SOX5: variants seen among roughly 807,000 people sequenced by gnomAD.
SOX5 encodes SRY-box transcription factor 5.
A neutral mutation model predicts 92.0 loss-of-function variants in SOX5; 9 were observed. That is an observed-to-expected ratio of 0.10 (90% CI 0.06 to 0.17). The LOEUF (loss-of-function observed/expected upper bound fraction) is 0.17, where lower values mean the gene tolerates loss of function less well. Ranked by LOEUF, SOX5 falls within the 10% of genes least tolerant of loss-of-function variation. The pLI is 1.00. For synonymous variants in SOX5, 344 were observed against 336.3 expected, an observed-to-expected ratio of 1.02 and a Z score of -0.25; for missense variants, 642 against 944.5, an observed-to-expected ratio of 0.68 and a Z score of 4.20.
chr12:24,450,680 C>G (rs1389191229), intron 1 of SOX5, among the ~76,000 whole-genome samples: 1 of 151,812 alleles, frequency 6.6e-6, no homozygotes, highest in Non-Finnish European at 1.5e-5. Flanking sequence ...TTAGCAGAGA[C>G]GGGTTTCACC....
At chr12:24,028,908 C>T (rs530536569) in intron 4 of SOX5, among the ~76,000 whole-genome samples, 6 of 151,972 alleles carry the variant, frequency 3.9e-5, no homozygotes, top group Non-Finnish European at 8.8e-5. Flanking sequence ...AGAGAAAGGA[C>T]ATTTTATGCA....
chr12:24,183,189 G>A (rs1955683072), intron 4 of SOX5, among the ~76,000 whole-genome samples: 1 of 151,996 alleles, frequency 6.6e-6, no homozygotes, highest in African/African-American at 2.4e-5. Context: ...TTCCTCTAAG[G>A]TCATGTTTAG....
At chr12:24,387,379 A>G (rs530190666) in intron 1 of SOX5, among the ~76,000 whole-genome samples, 2 of 152,306 alleles carry the variant, frequency 1.3e-5, no homozygotes, top group Admixed American at 6.5e-5. Context: ...AAAGCTCATC[A>G]TCTATCGTTA....
chr12:24,327,529 C>T (rs1031366813), intron 2 of SOX5, among the ~76,000 whole-genome samples: 2 of 150,818 alleles, frequency 1.3e-5, no homozygotes, highest in African/African-American at 4.9e-5. Flanking sequence ...AATTGTCCTA[C>T]CTCAGCCTCC....
chr12:23,932,585 A>C (rs1187101316), intron 1 of SOX5, among the ~76,000 whole-genome samples: 2 of 151,708 alleles, frequency 1.3e-5, no homozygotes, highest in Admixed American at 6.6e-5. Flanking sequence ...AGAAATAGAA[A>C]GTGAAGGGGG....
At chr12:23,960,498 CATATATATTTATATACATAT>C (rs1169728724) in intron 4 of SOX5, among the ~76,000 whole-genome samples, 2 of 131,792 alleles carry the variant, frequency 1.5e-5, no homozygotes, top group African/African-American at 5.3e-5. Context: ...TATTTATATA[CATATATATTTATATACATAT>C]ATATATATAT....
At chr12:23,561,286 T>G (rs1278119312) in intron 11 of SOX5, among the ~76,000 whole-genome samples, 1 of 152,090 alleles carries the variant, frequency 6.6e-6, no homozygotes, top group East Asian at 1.9e-4. Context: ...AGAAATAAAG[T>G]ATGACTGTGG....
chr12:23,579,232 C>T (rs1304752866), intron 9 of SOX5, among the ~76,000 whole-genome samples: 1 of 152,134 alleles, frequency 6.6e-6, no homozygotes, highest in Non-Finnish European at 1.5e-5. Context: ...TATTCACCTA[C>T]ATTCAAGGCA....
At chr12:23,788,553 T>C (rs1374308817) in intron 3 of SOX5, among the ~76,000 whole-genome samples, 1 of 151,950 alleles carries the variant, frequency 6.6e-6, no homozygotes, top group African/African-American at 2.4e-5. Flanking sequence ...AGCAATTGTA[T>C]AATGGCCTGG....
intron 1 of SOX5, among the ~76,000 whole-genome samples, chr12:24,513,892 T>C (rs1566358486): frequency 6.6e-6 from 1 of 152,248 alleles, no homozygotes; most frequent in Non-Finnish European, 1.5e-5. Context: ...AAAAGACTTT[T>C]GCTATTTTAC....
intron 4 of SOX5, among the ~76,000 whole-genome samples, chr12:23,998,997 T>C (rs1040596632): frequency 6.6e-6 from 1 of 151,846 alleles, no homozygotes; most frequent in Admixed American, 6.6e-5. Context: ...GACCAAGAGA[T>C]AATTTTAAAA....
intron 3 of SOX5, among the ~76,000 whole-genome samples, chr12:23,838,851 G>GC (rs1322882989): frequency 5.8e-5 from 6 of 102,746 alleles, no homozygotes; most frequent in African/African-American, 1.7e-4. Context: ...TTTGGGGGGG[G>GC]GGGGCGGGGA....
chr12:23,923,100 A>C (rs894480745), intron 1 of SOX5, among the ~76,000 whole-genome samples: 3 of 151,994 alleles, frequency 2.0e-5, no homozygotes, highest in Non-Finnish European at 2.9e-5. Flanking sequence ...CGCCCGCCAC[A>C]ACGCCCGGCT....
intron 9 of SOX5, among the ~76,000 whole-genome samples, chr12:23,592,740 T>A (rs1951743154): frequency 6.6e-6 from 1 of 152,190 alleles, no homozygotes; most frequent in Non-Finnish European, 1.5e-5. Flanking sequence ...CTTATTTCAG[T>A]ATAGACAAAA....
chr12:23,951,448 T>C (rs1945620748), upstream of SOX5, among the ~76,000 whole-genome samples: 1 of 152,106 alleles, frequency 6.6e-6, no homozygotes, highest in Non-Finnish European at 1.5e-5. Context: ...GTCCCACTTT[T>C]TTTTCTGGAG....
At chr12:24,532,361 C>G (rs1020836839) in intron 1 of SOX5, among the ~76,000 whole-genome samples, 1 of 152,150 alleles carries the variant, frequency 6.6e-6, no homozygotes, top group Admixed American at 6.5e-5. Flanking sequence ...TGCAGACTGA[C>G]CCAAACAACT....
chr12:24,523,663 C>A (rs974511449), intron 1 of SOX5, among the ~76,000 whole-genome samples: 1 of 152,112 alleles, frequency 6.6e-6, no homozygotes, highest in Non-Finnish European at 1.5e-5. Flanking sequence ...TCAGAAAAAT[C>A]GTGCTGGGAA....
chr12:24,050,586 CT>C (rs1430446196), intron 4 of SOX5, among the ~76,000 whole-genome samples: 1 of 152,094 alleles, frequency 6.6e-6, no homozygotes, highest in African/African-American at 2.4e-5. Context: ...AAAGGTCATC[CT>C]TTTAAACAAT....
At chr12:23,841,341 C>T (rs747592070) in intron 3 of SOX5, among the ~76,000 whole-genome samples, 11 of 152,212 alleles carry the variant, frequency 7.2e-5, no homozygotes, top group Non-Finnish European at 1.3e-4. Context: ...TAGAAACTTA[C>T]ATTCATTCCT....
Sources: allele counts gnomAD v4.1 joint callset (sites outside exome capture counted in the v4.1 genomes callset), GRCh38; gene constraint gnomAD v4.1.1; transcripts MANE v1.5; gene names NCBI Gene and HGNC (gene_info 2026-07-23, HGNC 2026-07-21).